Variants in OTUD7A observed in about 807,000 individuals in gnomAD.
OTUD7A encodes the protein OTU domain-containing protein 7A.
A neutral mutation model predicts 65.7 loss-of-function variants in OTUD7A; 12 were observed. That is an observed-to-expected ratio of 0.18 (90% confidence interval 0.12 to 0.30). The LOEUF is 0.30. Among genes scored for constraint, OTUD7A ranks in the 10% least tolerant of loss-of-function variants. The pLI is 1.00. For synonymous variants in OTUD7A, 641 were observed against 586.3 expected (o/e 1.09, Z -1.35); for missense variants, 1,148 against 1,304.8 (o/e 0.88, Z 1.85).
intron 1 of OTUD7A, among the ~76,000 whole-genome samples, chr15:31,672,013 C>A (rs868251079): frequency 2.0e-5 from 3 of 152,102 alleles, no homozygotes; most frequent in Non-Finnish European, 2.9e-5. Context: ...AGTAAGAACA[C>A]GCGGCATTTG....
Position 31,486,416 on chromosome 15 carries a change from T to C in OTUD7A, c.1371+778A>G, listed in dbSNP as rs943344071. Among the ~76,000 whole-genome samples, 6 of 152,346 alleles carry C rather than the reference T, an allele frequency of 3.9e-5. No individual in the cohort carries two copies. The South Asian group carries it at 1.2e-3, about 32-fold the overall frequency. Reference sequence around the variant, plus strand: ...GCAGTGCTGGCCACCGCCCGACTCCTTGACTCATGCCACTCCTTTACTAAT... The same window carrying C: ...GCAGTGCTGGCCACCGCCCGACTCCCTGACTCATGCCACTCCTTTACTAAT... On this transcript the variant is annotated intron_variant, in intron 12 of 12. Coordinates refer to ENST00000307050, the MANE Select transcript of OTUD7A (RefSeq NM_001382637.1).
intron 1 of OTUD7A, among the ~76,000 whole-genome samples, chr15:31,792,711 A>G (rs1895850551): frequency 6.6e-6 from 1 of 152,062 alleles, no homozygotes; most frequent in Non-Finnish European, 1.5e-5. Flanking sequence ...ATTCTTCTTT[A>G]TGTGTATGTG....
At chr15:31,630,028 C>G (rs917866711) in intron 3 of OTUD7A, among the ~76,000 whole-genome samples, 8 of 149,222 alleles carry the variant, frequency 5.4e-5, no homozygotes, top group Admixed American at 1.3e-4. Context: ...TTTGTTGATC[C>G]TTTCAAAAAA....
chr15:31,530,664 G>C (rs1420856587), intron 6 of OTUD7A, 43 bp downstream of exon 6: 4 of 1,559,968 alleles, frequency 2.6e-6, no homozygotes, highest in Non-Finnish European at 3.5e-6. Context: ...TCCTTACGCA[G>C]GCCTGGAGCC....
At chr15:31,670,634 T>G (rs1036615746) in intron 1 of OTUD7A, among the ~76,000 whole-genome samples, 2 of 152,232 alleles carry the variant, frequency 1.3e-5, no homozygotes, top group African/African-American at 4.8e-5. Context: ...GTTTGTTTCT[T>G]TCTTGTAAAT....
intron 1 of OTUD7A, among the ~76,000 whole-genome samples, chr15:31,764,050 T>C (rs2140906728): frequency 6.6e-6 from 1 of 152,130 alleles, no homozygotes; most frequent in African/African-American, 2.4e-5. Context: ...CAGACAAGAG[T>C]GACACGGGAG....
At chr15:31,743,001 C>T (rs1223682117) in intron 1 of OTUD7A, among the ~76,000 whole-genome samples, 2 of 151,958 alleles carry the variant, frequency 1.3e-5, no homozygotes, top group Non-Finnish European at 2.9e-5. Flanking sequence ...AATCCATAAC[C>T]ATAGTGGATG....
At chr15:31,608,665 G>T (rs537248146) in intron 3 of OTUD7A, among the ~76,000 whole-genome samples, 1 of 152,342 alleles carries the variant, frequency 6.6e-6, no homozygotes, top group East Asian at 1.9e-4. Context: ...TCATAAGTCA[G>T]TGACCAGCTG....
chr15:31,727,403 C>A (rs1893921784), intron 1 of OTUD7A, among the ~76,000 whole-genome samples: 2 of 118,798 alleles, frequency 1.7e-5, no homozygotes, highest in South Asian at 3.5e-4. Context: ...AAACATTGAT[C>A]TCTCCATCCA....
intron 3 of OTUD7A, 130 bp from the exon 4 acceptor site, chr15:31,570,327 T>C (rs1007608106): frequency 9.2e-7 from 1 of 1,082,126 alleles, no homozygotes. Flanking sequence ...GTAGTTCTTG[T>C]TTTTCAAAGG....
chr15:31,789,976 C>T (rs1028347841), intron 1 of OTUD7A, among the ~76,000 whole-genome samples: 5 of 152,142 alleles, frequency 3.3e-5, no homozygotes, highest in African/African-American at 7.2e-5. Context: ...GGTGCCAGAG[C>T]GGGGAGACTG....
intron 1 of OTUD7A, chr15:31,766,912 T>C: frequency 6.2e-7 from 1 of 1,610,440 alleles, no homozygotes; most frequent in Admixed American, 1.7e-5. Flanking sequence ...TACAATTCCT[T>C]CCAAAGAATA....
At chr15:31,763,709 A>G (rs1442922169) in intron 1 of OTUD7A, among the ~76,000 whole-genome samples, 1 of 152,172 alleles carries the variant, frequency 6.6e-6, no homozygotes, top group Admixed American at 6.5e-5. Flanking sequence ...GCAAAAGAAA[A>G]TAAAAGAAAT....
chr15:31,843,381 T>G (rs1897231224), intron 1 of OTUD7A, among the ~76,000 whole-genome samples: 1 of 151,894 alleles, frequency 6.6e-6, no homozygotes, highest in Non-Finnish European at 1.5e-5. Context: ...ACAGTCAGTC[T>G]TCTTGAAAAC....
chr15:31,483,887 C>T lies in OTUD7A; in HGVS notation c.2209G>A (p.Ala737Thr). Residue 737 changes from alanine (A) to threonine (T), a missense_variant, in exon 13 of 13, where the codon GCG (alanine) becomes ACG (threonine). Coordinates refer to ENST00000307050, the MANE Select transcript of OTUD7A (RefSeq NM_001382637.1). ...KLKERPSPGP[A>T]AGRAARAAAG... ...GCCGCCCGCGCCGCACGCCCTGCCG[C>T]GGGCCCGGGGCTCGGCCGCTCCTTG... The T allele has an allele frequency of 4.0e-6, 4 of 996,308 alleles. No individual in the cohort carries two copies. Among genetic ancestry groups the T allele is most frequent in the Non-Finnish European group, 4.8e-6 (4 of 838,984 alleles). 61.7% of individuals were successfully genotyped at this position (996,308 alleles called of 1,614,324 possible).
chr15:31,651,452 G>A (rs1891832372), intron 3 of OTUD7A, among the ~76,000 whole-genome samples: 2 of 151,956 alleles, frequency 1.3e-5, no homozygotes, highest in Admixed American at 6.6e-5. Flanking sequence ...TTAACCTTTT[G>A]AATAGTCTTC....
intron 4 of OTUD7A, among the ~76,000 whole-genome samples, chr15:31,559,988 T>A (rs2141159397): frequency 6.6e-6 from 1 of 152,328 alleles, no homozygotes; most frequent in African/African-American, 2.4e-5. Context: ...AACCACTTAG[T>A]AAGTGGGGAG....
At position 31,802,133 on chromosome 15, in the gene OTUD7A, G is replaced by GTATATATATA. The variant is rs1219526014; in HGVS notation, c.-100+68373_-100+68374insTATATATATA. Among the ~76,000 whole-genome samples the GTATATATATA allele has an allele frequency of 2.1e-3, 250 of 117,270 alleles. 2 individuals are homozygous for GTATATATATA. Among genetic ancestry groups the GTATATATATA allele is most frequent in the African/African-American group, 7.3e-3 (233 of 31,916 alleles). The allele number at this position is 117,270 out of a possible 152,430, so 76.9% of individuals were successfully genotyped here. A position where few individuals can be genotyped will look rare whatever the true frequency, so the allele number is the denominator to read the frequency against. On this transcript the variant is annotated intron_variant, in intron 1 of 12. Coordinates refer to ENST00000307050, the MANE Select transcript of OTUD7A (RefSeq NM_001382637.1). ...TGTGTGTGTGTGTGTGTGTGTGTGT[G>GTATATATATA]TGTGTGTGTATATATATATATGTAA...
At chr15:31,528,429 C>G (rs2042043952) in intron 6 of OTUD7A, among the ~76,000 whole-genome samples, 1 of 152,204 alleles carries the variant, frequency 6.6e-6, no homozygotes. Context: ...CTCGAGGGAA[C>G]TGTGAGCCTC....
Sources: gnomAD v4.1 joint callset for allele counts (sites outside exome capture counted in the v4.1 genomes callset) on GRCh38, gnomAD v4.1.1 for gene constraint, MANE v1.5 for transcripts, NCBI Gene and HGNC (gene_info 2026-07-23, HGNC 2026-07-21) for gene names.